Variants in SOX5 observed in about 807,000 individuals in gnomAD.
SOX5 encodes the protein transcription factor SOX-5.
A neutral mutation model predicts 92.0 loss-of-function variants in SOX5; 9 were observed. That is an observed-to-expected ratio of 0.10 (90% CI 0.06 to 0.17). SOX5 has a LOEUF of 0.17. SOX5 is among the 10% of genes least tolerant of loss of function. SOX5 has a pLI of 1.00. For missense variants in SOX5, 642 were observed against 944.5 expected (o/e 0.68, Z 4.20); for synonymous variants, 344 against 336.3 (o/e 1.02, Z -0.25).
intron 3 of SOX5, among the ~76,000 whole-genome samples, chr12:23,828,546 G>A (rs1391071774): frequency 1.3e-5 from 2 of 152,094 alleles, no homozygotes; most frequent in Admixed American, 1.3e-4. Flanking sequence ...GTGTCAGTCT[G>A]TGCCATTTTC....
At chr12:24,545,149 G>A (rs1481368553) in intron 1 of SOX5, among the ~76,000 whole-genome samples, 3 of 152,006 alleles carry the variant, frequency 2.0e-5, no homozygotes, top group Non-Finnish European at 4.4e-5. Flanking sequence ...ACTATACCCC[G>A]TACATAAAGA....
At chr12:23,861,219 T>A (rs1420147061) in intron 2 of SOX5, among the ~76,000 whole-genome samples, 2 of 152,124 alleles carry the variant, frequency 1.3e-5, no homozygotes, top group Non-Finnish European at 2.9e-5. Flanking sequence ...TGGTGCTGTG[T>A]GTCCTGCCTC....
At chr12:23,740,808 A>G (rs1014931736) in intron 5 of SOX5, 59 bp downstream of exon 5, 9 of 1,421,978 alleles carry the variant, frequency 6.3e-6, no homozygotes, top group Admixed American at 3.6e-5. Flanking sequence ...ACAGTGACCT[A>G]TAAGTAGCAG....
intron 2 of SOX5, among the ~76,000 whole-genome samples, chr12:23,892,198 T>A (rs902245113): frequency 1.3e-5 from 2 of 152,168 alleles, no homozygotes; most frequent in Non-Finnish European, 2.9e-5. Flanking sequence ...CATTTTGCCT[T>A]GGGAGGTCAG....
chr12:24,248,532 G>C (rs1318202005), intron 3 of SOX5, among the ~76,000 whole-genome samples: 1 of 152,130 alleles, frequency 6.6e-6, no homozygotes, highest in Non-Finnish European at 1.5e-5. Context: ...TTACAGGCGA[G>C]TGCTACCACG....
intron 8 of SOX5, among the ~76,000 whole-genome samples, chr12:23,635,935 A>G (rs1368935997): frequency 1.3e-5 from 2 of 152,130 alleles, no homozygotes; most frequent in Non-Finnish European, 2.9e-5. Context: ...AGCTAAGAAG[A>G]GCTCTCATGT....
At chr12:23,723,252 T>C (rs992023501) in intron 6 of SOX5, among the ~76,000 whole-genome samples, 4 of 152,002 alleles carry the variant, frequency 2.6e-5, no homozygotes, top group African/African-American at 7.2e-5. Context: ...GAAAATCAAA[T>C]AATTGACTTT....
At chr12:24,496,586 CA>C (rs1320094496) in intron 1 of SOX5, among the ~76,000 whole-genome samples, 1 of 151,974 alleles carries the variant, frequency 6.6e-6, no homozygotes, top group African/African-American at 2.4e-5. Context: ...AACAACTATA[CA>C]AAAAAGCCTA....
At chr12:24,173,727 C>T (rs924097740) in intron 4 of SOX5, among the ~76,000 whole-genome samples, 1 of 152,072 alleles carries the variant, frequency 6.6e-6, no homozygotes, top group Non-Finnish European at 1.5e-5. Flanking sequence ...GGGCCTTAAA[C>T]CAAACCTAAT....
intron 1 of SOX5, among the ~76,000 whole-genome samples, chr12:23,905,506 T>C (rs1377733917): frequency 1.3e-5 from 2 of 152,214 alleles, no homozygotes; most frequent in African/African-American, 4.8e-5. Context: ...AAAATGTCTT[T>C]CTGTTTCATT....
At chr12:23,788,799 A>G (rs2095423412) in intron 3 of SOX5, among the ~76,000 whole-genome samples, 1 of 152,014 alleles carries the variant, frequency 6.6e-6, no homozygotes, top group South Asian at 2.1e-4. Flanking sequence ...ATTTTAATAT[A>G]TATCAATTAA....
intron 4 of SOX5, among the ~76,000 whole-genome samples, chr12:24,137,503 G>A (rs1474287484): frequency 8.6e-5 from 13 of 151,958 alleles, no homozygotes; most frequent in African/African-American, 1.2e-4. Context: ...ATGGTGGCGC[G>A]CACCTGTAAT....
intron 4 of SOX5, among the ~76,000 whole-genome samples, chr12:24,118,674 T>A (rs929741482): frequency 2.0e-5 from 3 of 152,148 alleles, no homozygotes; most frequent in African/African-American, 7.2e-5. Flanking sequence ...GACATCACAG[T>A]CTTGGTCAAA....
chr12:23,958,849 T>G (rs934798973), intron 4 of SOX5, among the ~76,000 whole-genome samples: 6 of 151,710 alleles, frequency 4.0e-5, no homozygotes, highest in African/African-American at 1.4e-4. Context: ...AGAAACCCTA[T>G]GAGAATTTAG....
intron 3 of SOX5, among the ~76,000 whole-genome samples, chr12:23,826,850 A>G (rs147721132): frequency 6.6e-6 from 1 of 152,278 alleles, no homozygotes; most frequent in Non-Finnish European, 1.5e-5. Flanking sequence ...CAGACAAAGC[A>G]TAACTTATCC....
At chr12:24,037,456 A>G (rs1407836888) in intron 4 of SOX5, among the ~76,000 whole-genome samples, 1 of 152,184 alleles carries the variant, frequency 6.6e-6, no homozygotes, top group Admixed American at 6.5e-5. Flanking sequence ...AACCATGTAT[A>G]GATAAAACAA....
At chr12:24,211,561 C>G (rs1300103028) in intron 4 of SOX5, among the ~76,000 whole-genome samples, 2 of 152,182 alleles carry the variant, frequency 1.3e-5, no homozygotes, top group Admixed American at 1.3e-4. Context: ...CAATAGCATT[C>G]TTTATCAAAT....
intron 2 of SOX5, among the ~76,000 whole-genome samples, chr12:24,300,021 G>A (rs914942790): frequency 1.3e-5 from 2 of 152,032 alleles, no homozygotes; most frequent in Non-Finnish European, 2.9e-5. Context: ...TTTTCCTTAG[G>A]AACTTCAACA....
chr12:23,850,575 AT>A (rs2096622797), intron 2 of SOX5, among the ~76,000 whole-genome samples: 1 of 152,026 alleles, frequency 6.6e-6, no homozygotes, highest in Non-Finnish European at 1.5e-5. Context: ...GAGGAAAAAA[AT>A]ATACCTTATA....
Sources: allele counts gnomAD v4.1 joint callset (sites outside exome capture counted in the v4.1 genomes callset), GRCh38; gene constraint gnomAD v4.1.1; transcripts MANE v1.5; gene names NCBI Gene and HGNC (gene_info 2026-07-23, HGNC 2026-07-21).